The following PHF20 variants were observed in gnomAD, a reference collection of about 807,000 sequenced individuals.
The protein encoded by PHF20 is PHD finger protein 20.
In PHF20, 23 loss-of-function variants were observed where a neutral mutation model predicts 113.5. That is an observed-to-expected ratio of 0.20 (90% CI 0.15 to 0.29). The LOEUF is 0.29. PHF20 is among the 10% of genes least tolerant of loss of function. The probability of loss-of-function intolerance (pLI) is 1.00; values close to 1 mark genes in which losing one functional copy is unlikely to be tolerated. For missense variants in PHF20, 943 were observed against 1,219.6 expected, an observed-to-expected ratio of 0.77 and a Z score of 3.38; for synonymous variants, 434 against 457.3, an observed-to-expected ratio of 0.95 and a Z score of 0.65.
rs757367903 is a variant in PHF20, at chr20:35,913,268, G to T, written c.1581G>T (p.Lys527Asn). The stretch of plus-strand genomic sequence containing the variant: ...TTCTAGCTACAAAAGACAAGGAAAA[G>T]AATAAAGAGAAGAAATTCAAGGAGT... ...ASSPTTKDKE[K>N]NKEKKFKEFV... The change falls in exon 11 of 18, where the codon AAG becomes AAT. Residue 527 changes from lysine to asparagine, a missense_variant. Coordinates refer to ENST00000374012, the MANE Select transcript of PHF20 (RefSeq NM_016436.5). 3.1e-6 allele frequency: 5 copies of T among 1,600,100 alleles called. No homozygotes were observed. The highest frequency in any genetic ancestry group is 8.5e-7 in the Non-Finnish European group (1 of 1,171,836).
intron 4 of PHF20, among the ~76,000 whole-genome samples, chr20:35,854,836 C>T (rs530847008): frequency 1.3e-5 from 2 of 152,240 alleles, no homozygotes; most frequent in East Asian, 3.9e-4. Flanking sequence ...CCAAAGATAG[C>T]TGTCTCAGAC....
At position 35,811,336 on chromosome 20, in the gene PHF20, C is replaced by T. The variant is rs147589898; in HGVS notation, c.83+9731C>T. Reference sequence around the variant, plus strand: ...CTCACATTACAGGCGTGAGCCACCACGTTGGGCTAGGGCCCACTTTTTAAT... The same window carrying T: ...CTCACATTACAGGCGTGAGCCACCATGTTGGGCTAGGGCCCACTTTTTAAT... On this transcript the variant is annotated intron_variant, in intron 2 of 17. Coordinates refer to ENST00000374012, the MANE Select transcript of PHF20 (RefSeq NM_016436.5). Among the ~76,000 whole-genome samples the T allele has an allele frequency of 3.9e-3, 601 of 152,196 alleles. 2 individuals carry two copies. Among genetic ancestry groups the T allele is most frequent in the African/African-American group, 0.014 (565 of 41,530 alleles).
intron 3 of PHF20, among the ~76,000 whole-genome samples, chr20:35,846,672 G>C (rs1600818557): frequency 6.6e-6 from 1 of 152,140 alleles, no homozygotes; most frequent in Admixed American, 6.6e-5. Context: ...CTCATTTTCA[G>C]AATGTATGCT....
chr20:35,891,280 G>A (rs1398573940), intron 9 of PHF20, among the ~76,000 whole-genome samples: 2 of 151,922 alleles, frequency 1.3e-5, no homozygotes, highest in Non-Finnish European at 1.5e-5. Context: ...GGGAGGCTGA[G>A]GCAGAAGAAT....
intron 5 of PHF20, among the ~76,000 whole-genome samples, chr20:35,860,237 ATTTTTTTT>A (rs34253757): frequency 7.7e-6 from 1 of 129,760 alleles, no homozygotes; most frequent in Non-Finnish European, 1.6e-5. Flanking sequence ...TTTCTAAGAA[ATTTTTTTT>A]TTTTTTTTTT....
chr20:35,783,009 C>T (rs2041332370), intron 1 of PHF20, among the ~76,000 whole-genome samples: 1 of 151,702 alleles, frequency 6.6e-6, no homozygotes. Flanking sequence ...GTCCTGGCCA[C>T]AGAGTGAAAC....
Position 35,861,115 on chromosome 20 carries a change from T to G in PHF20, c.421-1898T>G, listed in dbSNP as rs117071407. Among the ~76,000 whole-genome samples the G allele has an allele frequency of 5.3e-4, 80 of 152,280 alleles. 1 individual carries two copies. The East Asian group carries it at 0.015, about 28-fold the overall frequency. ...GCTAGAGTTATCTGTCATGGGCAAT[T>G]TCAAAGGTTTTTCGTATACTATTGG... On this transcript the variant is annotated intron_variant, in intron 5 of 17. Coordinates refer to ENST00000374012, the MANE Select transcript of PHF20 (RefSeq NM_016436.5).
intron 2 of PHF20, among the ~76,000 whole-genome samples, chr20:35,830,059 G>A (rs143807318): frequency 1.6e-3 from 251 of 152,128 alleles, no homozygotes; most frequent in African/African-American, 5.9e-3. Context: ...GGCTACAGGC[G>A]CATGCCGCCA....
chr20:35,940,744 G>A, intron 16 of PHF20, 120 bp from the exon 17 acceptor site: 1 of 831,536 alleles, frequency 1.2e-6, no homozygotes, highest in Non-Finnish European at 1.9e-6. Flanking sequence ...GGAAAGGGAG[G>A]TAGGGATTTG....
intron 5 of PHF20, among the ~76,000 whole-genome samples, chr20:35,859,930 GT>G (rs1194243898): frequency 1.3e-5 from 2 of 151,734 alleles, no homozygotes; most frequent in Non-Finnish European, 1.5e-5. Context: ...TGTAAGTTGT[GT>G]TTTTTTTGAG....
chr20:35,872,519 T>A (rs2054440411), intron 9 of PHF20, among the ~76,000 whole-genome samples: 1 of 152,198 alleles, frequency 6.6e-6, no homozygotes, highest in African/African-American at 2.4e-5. Context: ...CGAGACTCAG[T>A]CTAAATAAAT....
chr20:35,856,109 A>G (rs1218996809), intron 4 of PHF20, among the ~76,000 whole-genome samples: 2 of 151,684 alleles, frequency 1.3e-5, no homozygotes, highest in African/African-American at 4.8e-5. Flanking sequence ...ACCCCTGCCT[A>G]CTACCCTTCC....
chr20:35,782,466 G>A (rs558224934), intron 1 of PHF20: 5 of 151,938 alleles, frequency 3.3e-5, no homozygotes, highest in African/African-American at 1.2e-4. Context: ...TGTATTTTTG[G>A]AAGAGATGGG....
intron 14 of PHF20, among the ~76,000 whole-genome samples, chr20:35,929,914 A>T (rs2055718832): frequency 6.6e-6 from 1 of 152,254 alleles, no homozygotes; most frequent in East Asian, 1.9e-4. Context: ...GTGTATTAGT[A>T]AAGCCAGAAG....
chr20:35,783,583 AT>A lies in PHF20; in HGVS notation c.-33+11520del, dbSNP rs760338473. 5.3e-3 allele frequency among the ~76,000 whole-genome samples: 749 copies of A among 142,532 alleles called. 2 individuals carry two copies. Among genetic ancestry groups the A allele is most frequent in the African/African-American group, 6.9e-3 (271 of 39,052 alleles). 93.5% of individuals were successfully genotyped at this position (142,532 alleles called of 152,430 possible). On this transcript the variant is annotated intron_variant, in intron 1 of 17. Coordinates refer to ENST00000374012, the MANE Select transcript of PHF20 (RefSeq NM_016436.5). Reference sequence around the variant, plus strand: ...AGGTGTATGCCACCGCGCTTGGCTAATTTTTTTTTTTTTTTTATTATTTATA... The same window carrying A: ...AGGTGTATGCCACCGCGCTTGGCTAATTTTTTTTTTTTTTTATTATTTATA...
intron 2 of PHF20, among the ~76,000 whole-genome samples, chr20:35,839,764 A>G (rs1446814919): frequency 6.6e-6 from 1 of 152,186 alleles, no homozygotes; most frequent in Non-Finnish European, 1.5e-5. Flanking sequence ...GGAATTATGG[A>G]AAACATACCC....
At chr20:35,802,351 GT>G (rs913835934) in intron 2 of PHF20, among the ~76,000 whole-genome samples, 72 of 142,078 alleles carry the variant, frequency 5.1e-4, no homozygotes, top group South Asian at 2.0e-3. Context: ...AAGGGTTTTT[GT>G]TTTTTTTTTT....
intron 1 of PHF20, among the ~76,000 whole-genome samples, chr20:35,790,658 A>G (rs1341961365): frequency 6.6e-6 from 1 of 152,060 alleles, no homozygotes; most frequent in Non-Finnish European, 1.5e-5. Flanking sequence ...AAACTCAGGC[A>G]CTCTTATTCC....
intron 3 of PHF20, among the ~76,000 whole-genome samples, chr20:35,844,394 G>A (rs1362197213): frequency 2.0e-5 from 3 of 148,626 alleles, no homozygotes; most frequent in Non-Finnish European, 4.4e-5. Context: ...GAGCCACCGC[G>A]CCCAGCCGGT....
Sources: allele counts gnomAD v4.1 joint callset (sites outside exome capture counted in the v4.1 genomes callset), GRCh38; gene constraint gnomAD v4.1.1; transcripts MANE v1.5; gene names NCBI Gene and HGNC (gene_info 2026-07-23, HGNC 2026-07-21).